Variants in GNA14 observed in about 807,000 individuals in gnomAD.
The protein encoded by GNA14 is G protein subunit alpha 14.
In GNA14, 50 loss-of-function variants were observed where a neutral mutation model predicts 42.0. The ratio of observed to expected loss-of-function variants is 1.19; its 90% confidence interval spans 0.95 to 1.51. The LOEUF is 1.51. Ranked by LOEUF, GNA14 falls within the 40% of genes most tolerant of loss-of-function variation. The pLI is 0.00. For missense variants in GNA14, 473 were observed against 446.2 expected (o/e 1.06, Z -0.54); for synonymous variants, 173 against 163.1 (o/e 1.06, Z -0.46).
intron 1 of GNA14, among the ~76,000 whole-genome samples, chr9:77,617,065 T>C (rs1160195918): frequency 2.0e-5 from 3 of 151,758 alleles, no homozygotes; most frequent in Non-Finnish European, 4.4e-5. Flanking sequence ...AGAGACAGGG[T>C]TTCACCATGT....
At chr9:77,616,152 G>T (rs1823812804) in intron 1 of GNA14, among the ~76,000 whole-genome samples, 1 of 152,208 alleles carries the variant, frequency 6.6e-6, no homozygotes, top group Admixed American at 6.5e-5. Flanking sequence ...ACATTGTGCA[G>T]TATTCACAGA....
intron 1 of GNA14, among the ~76,000 whole-genome samples, chr9:77,546,643 C>T (rs1837723452): frequency 6.6e-6 from 1 of 152,194 alleles, no homozygotes; most frequent in Non-Finnish European, 1.5e-5. Flanking sequence ...CCAAACTCTC[C>T]ATGACTAAGA....
At chr9:77,578,560 CA>C (rs1823165497) in intron 1 of GNA14, among the ~76,000 whole-genome samples, 2 of 152,170 alleles carry the variant, frequency 1.3e-5, no homozygotes, top group African/African-American at 4.8e-5. Flanking sequence ...CAGGTTGCTA[CA>C]ACCTTGAGAT....
intron 1 of GNA14, among the ~76,000 whole-genome samples, chr9:77,606,774 T>C (rs1823651102): frequency 6.6e-6 from 1 of 152,184 alleles, no homozygotes. Flanking sequence ...AATGTTTATG[T>C]CCCTCCCAAA....
At chr9:77,486,458 G>A (rs964353947) in intron 2 of GNA14, among the ~76,000 whole-genome samples, 2 of 152,172 alleles carry the variant, frequency 1.3e-5, no homozygotes, top group Non-Finnish European at 2.9e-5. Flanking sequence ...TATCATTTGT[G>A]TATTCACTAG....
chr9:77,443,576 T>C (rs1229538645), intron 2 of GNA14, among the ~76,000 whole-genome samples: 3 of 152,234 alleles, frequency 2.0e-5, no homozygotes, highest in Admixed American at 2.0e-4. Context: ...TTCGTCCTTC[T>C]CTTTCCCTTC....
chr9:77,537,822 A>G (rs1476138184), intron 1 of GNA14, among the ~76,000 whole-genome samples: 1 of 152,150 alleles, frequency 6.6e-6, no homozygotes, highest in Non-Finnish European at 1.5e-5. Flanking sequence ...TTTCCTGACA[A>G]TCAGTGATGT....
At chr9:77,446,784 G>C (rs1835825900) in intron 2 of GNA14, among the ~76,000 whole-genome samples, 1 of 152,154 alleles carries the variant, frequency 6.6e-6, no homozygotes. Context: ...TGAGGTTGTG[G>C]TACTGGTTGA....
intron 1 of GNA14, among the ~76,000 whole-genome samples, chr9:77,547,835 C>T (rs1376086242): frequency 1.3e-5 from 2 of 152,074 alleles, no homozygotes; most frequent in Non-Finnish European, 2.9e-5. Flanking sequence ...GAGTATAACA[C>T]ATCATCATTT....
At chr9:77,608,588 C>A (rs1823675542) in intron 1 of GNA14, among the ~76,000 whole-genome samples, 2 of 152,120 alleles carry the variant, frequency 1.3e-5, no homozygotes, top group Admixed American at 6.6e-5. Flanking sequence ...AGCCCTGCCC[C>A]CTTGACCTGT....
rs186817613 is a variant in GNA14, at chr9:77,586,574, G to A, written c.125-57321C>T. ...TAAGTTTAAGAGCAGAGGCTTAATA[G>A]GCGAAAGAAAGAGAACAGCTCTCTC... On this transcript the variant is annotated intron_variant, in intron 1 of 6. Transcript: ENST00000341700. Among the ~76,000 whole-genome samples, 891 of 152,292 alleles carry A rather than the reference G, an allele frequency of 5.9e-3. 7 individuals are homozygous for A. The highest frequency in any genetic ancestry group is 7.1e-3 in the Non-Finnish European group (483 of 68,036).
intron 2 of GNA14, among the ~76,000 whole-genome samples, chr9:77,448,067 C>T (rs1835850920): frequency 6.6e-6 from 1 of 152,180 alleles, no homozygotes; most frequent in African/African-American, 2.4e-5. Context: ...GGGCCACATC[C>T]AGCAGACTGC....
intron 1 of GNA14, among the ~76,000 whole-genome samples, chr9:77,628,200 T>G (rs772252003): frequency 6.6e-6 from 1 of 152,142 alleles, no homozygotes; most frequent in Admixed American, 6.5e-5. Flanking sequence ...GTGAAGGACC[T>G]CTTCAAGAGA....
chr9:77,627,099 A>G (rs529777662), intron 1 of GNA14, among the ~76,000 whole-genome samples: 5 of 152,344 alleles, frequency 3.3e-5, no homozygotes, highest in African/African-American at 9.6e-5. Flanking sequence ...AGAATACTAT[A>G]AACACCTTTA....
At chr9:77,512,947 T>G (rs1837193661) in intron 2 of GNA14, among the ~76,000 whole-genome samples, 1 of 152,236 alleles carries the variant, frequency 6.6e-6, no homozygotes, top group African/African-American at 2.4e-5. Flanking sequence ...AAAAAAATAT[T>G]TTCCATGCAA....
At chr9:77,438,556 C>A (rs1835676046) in intron 2 of GNA14, among the ~76,000 whole-genome samples, 1 of 151,836 alleles carries the variant, frequency 6.6e-6, no homozygotes, top group South Asian at 2.1e-4. Context: ...GCATAAGCCA[C>A]CACGCCTAGC....
chr9:77,568,414 C>T (rs1207949222), intron 1 of GNA14, among the ~76,000 whole-genome samples: 11 of 151,418 alleles, frequency 7.3e-5, no homozygotes, highest in Non-Finnish European at 1.6e-4. Context: ...ATCATTTGAA[C>T]CCAGGAGGTG....
intron 1 of GNA14, among the ~76,000 whole-genome samples, chr9:77,586,949 A>G (rs1436009958): frequency 6.7e-6 from 1 of 149,354 alleles, no homozygotes; most frequent in Admixed American, 6.7e-5. Flanking sequence ...GCTTACCTAT[A>G]TGTCTGCAGC....
At position 77,468,465 on chromosome 9, in the gene GNA14, A is replaced by T. The variant is rs569385465; in HGVS notation, c.310-33943T>A. On this transcript the variant is annotated intron_variant, in intron 2 of 6. Transcript: ENST00000341700. ...TAATTCTCTTTTTGGTCACTGTCTA[A>T]AACATCCTTCAAGATCTGAAGTGGC... Among the ~76,000 whole-genome samples, 4 of 152,310 alleles carry T rather than the reference A, an allele frequency of 2.6e-5. No homozygotes were observed. In the South Asian group the frequency reaches 8.3e-4, roughly 32 times the overall value.
Sources: gnomAD v4.1 joint callset for allele counts (sites outside exome capture counted in the v4.1 genomes callset) on GRCh38, gnomAD v4.1.1 for gene constraint, MANE v1.5 for transcripts, NCBI Gene and HGNC (gene_info 2026-07-23, HGNC 2026-07-21) for gene names.